Variants in DPP10 observed in about 807,000 individuals in gnomAD.
DPP10 encodes dipeptidyl peptidase like 10.
Under a neutral mutation model 120.9 loss-of-function variants are expected in DPP10, and 33 were observed. That is an observed-to-expected ratio of 0.27 (90% CI 0.21 to 0.37). The LOEUF is 0.37. Among genes scored for constraint, DPP10 ranks in the 10% least tolerant of loss-of-function variants. The pLI is 1.00. For missense variants in DPP10, 816 were observed against 942.8 expected, an observed-to-expected ratio of 0.87 and a Z score of 1.76; for synonymous variants, 337 against 326.1, an observed-to-expected ratio of 1.03 and a Z score of -0.36.
At chr2:114,461,993 A>G in intron 1 of DPP10, 1 of 985,396 alleles carries the variant, frequency 1.0e-6, no homozygotes, top group Non-Finnish European at 1.2e-6. Context: ...TGCTGAATCG[A>G]AAGGAAGTGC....
intron 5 of DPP10, among the ~76,000 whole-genome samples, chr2:115,646,042 T>C (rs2087219538): frequency 6.6e-6 from 1 of 152,120 alleles, no homozygotes. Context: ...CATATATATT[T>C]CACTTCCCAT....
intron 1 of DPP10, among the ~76,000 whole-genome samples, chr2:115,130,037 T>C (rs549444313): frequency 1.9e-4 from 29 of 152,314 alleles, no homozygotes; most frequent in Admixed American, 1.9e-3. Flanking sequence ...TGCTTAGGAC[T>C]CACTAAACCA....
At chr2:115,586,281 C>T (rs779600989) in intron 5 of DPP10, among the ~76,000 whole-genome samples, 3 of 152,096 alleles carry the variant, frequency 2.0e-5, no homozygotes, top group Middle Eastern at 3.2e-3. Context: ...GAGCTGAGAT[C>T]GTGCCATTGC....
rs149104093 is a variant in DPP10 at position 114,877,584 on chromosome 2, A to G, written c.61-431655A>G. On this transcript the variant is annotated intron_variant, in intron 1 of 25. Transcript: ENST00000410059. ...GCTCATTGTTTATGGCCAACAGTGA[A>G]CGGCGGACACACACAATGCCCCTGT... Among the ~76,000 whole-genome samples the G allele has an allele frequency of 8.4e-3, 1,286 of 152,232 alleles. 20 individuals are homozygous for G. The highest frequency in any genetic ancestry group is 0.03 in the African/African-American group (1,231 of 41,552).
intron 1 of DPP10, among the ~76,000 whole-genome samples, chr2:114,643,111 T>C (rs1013755710): frequency 2.6e-5 from 4 of 151,932 alleles, no homozygotes; most frequent in African/African-American, 9.7e-5. Flanking sequence ...TCAGATCATT[T>C]CAGAGCTGCT....
intron 1 of DPP10, among the ~76,000 whole-genome samples, chr2:114,896,463 T>G (rs529060313): frequency 6.6e-6 from 1 of 152,250 alleles, no homozygotes; most frequent in South Asian, 2.1e-4. Context: ...CCCTTGTAAG[T>G]TGGATTCCTA....
chr2:114,949,418 T>C (rs1179422004), intron 1 of DPP10, among the ~76,000 whole-genome samples: 1 of 152,136 alleles, frequency 6.6e-6, no homozygotes, highest in African/African-American at 2.4e-5. Flanking sequence ...TGGAAGCCAC[T>C]AGTACCTATT....
At chr2:114,873,323 A>G (rs191737337) in intron 1 of DPP10, among the ~76,000 whole-genome samples, 10 of 152,250 alleles carry the variant, frequency 6.6e-5, no homozygotes, top group Admixed American at 6.5e-4. Context: ...CACAATTGCT[A>G]AAGAGGATGA....
chr2:115,459,320 C>G (rs898260950), intron 3 of DPP10, among the ~76,000 whole-genome samples: 1 of 152,024 alleles, frequency 6.6e-6, no homozygotes, highest in Non-Finnish European at 1.5e-5. Context: ...CCACGCCCGG[C>G]TAATTTTTGT....
At chr2:115,056,516 C>T (rs571095667) in intron 1 of DPP10, among the ~76,000 whole-genome samples, 1 of 152,300 alleles carries the variant, frequency 6.6e-6, no homozygotes, top group African/African-American at 2.4e-5. Flanking sequence ...CATACCCCCA[C>T]ATCTTGCTAT....
Position 115,437,029 on chromosome 2 carries a change from A to T in DPP10, c.272-62481A>T, listed in dbSNP as rs147594905. ...TATAGTCTCATATCGGTAAGTAATCACCTGACTATGTGACGTTAAATCAGT... is the reference window on the plus strand; with the variant it reads ...TATAGTCTCATATCGGTAAGTAATCTCCTGACTATGTGACGTTAAATCAGT... On this transcript the variant is annotated intron_variant, in intron 3 of 25. Transcript: ENST00000410059. Among the ~76,000 whole-genome samples, 317 of 152,090 alleles carry T rather than the reference A, an allele frequency of 2.1e-3. 1 individual carries two copies. Among genetic ancestry groups the T allele is most frequent in the African/African-American group, 6.8e-3 (284 of 41,556 alleles).
intron 1 of DPP10, among the ~76,000 whole-genome samples, chr2:114,723,760 T>C (rs1701861948): frequency 6.6e-6 from 1 of 152,192 alleles, no homozygotes; most frequent in Non-Finnish European, 1.5e-5. Flanking sequence ...TCATCTTCTT[T>C]GACAAGGAAT....
chr2:115,439,569 T>C (rs1288072438), intron 3 of DPP10, among the ~76,000 whole-genome samples: 1 of 152,206 alleles, frequency 6.6e-6, no homozygotes, highest in Non-Finnish European at 1.5e-5. Flanking sequence ...TCAGAAATTT[T>C]TGCTAAATTG....
chr2:115,777,934 C>A lies in DPP10; in HGVS notation c.1361+100C>A. ...GAAAAATTTGAAATGTCTTTTTCAA[C>A]ATGGCTAGGAAGAGCCAACTTTGCT... On this transcript the variant is annotated intron_variant, in intron 15 of 25. Coordinates refer to ENST00000410059, the MANE Select transcript of DPP10 (RefSeq NM_020868.6). 5 of 1,295,478 alleles carry A rather than the reference C, an allele frequency of 3.9e-6. No individual in the cohort carries two copies. The Admixed American group carries it at 7.6e-5, about 20-fold the overall frequency. The allele number at this position is 1,295,478 out of a possible 1,614,324, so 80.2% of individuals were successfully genotyped here.
intron 1 of DPP10, among the ~76,000 whole-genome samples, chr2:115,289,020 G>T (rs2060527464): frequency 6.6e-6 from 1 of 152,076 alleles, no homozygotes. Flanking sequence ...GTTTGCCAGT[G>T]ATATGATCTT....
chr2:114,938,277 A>G (rs6725542), intron 1 of DPP10, among the ~76,000 whole-genome samples: 1,810 of 152,322 alleles, frequency 0.012, 47 homozygotes, highest in African/African-American at 0.039. Context: ...TATGATATTA[A>G]GGAATATCCA....
At chr2:115,415,313 G>A (rs566777712) in intron 3 of DPP10, among the ~76,000 whole-genome samples, 10 of 152,220 alleles carry the variant, frequency 6.6e-5, no homozygotes, top group South Asian at 4.1e-4. Context: ...AGTCCTAGCC[G>A]TGCTGGAAAA....
At chr2:114,656,214 C>G in intron 1 of DPP10, among the ~76,000 whole-genome samples, 1 of 152,018 alleles carries the variant, frequency 6.6e-6, no homozygotes, top group East Asian at 1.9e-4. Flanking sequence ...TCAGATAGAG[C>G]TAAGATTCGG....
At chr2:114,773,517 T>A (rs989063462) in intron 1 of DPP10, among the ~76,000 whole-genome samples, 11 of 152,132 alleles carry the variant, frequency 7.2e-5, no homozygotes, top group Non-Finnish European at 1.5e-4. Flanking sequence ...ACATATGTAA[T>A]GGGTTTCACA....
Sources: allele counts gnomAD v4.1 joint callset (sites outside exome capture counted in the v4.1 genomes callset), GRCh38; gene constraint gnomAD v4.1.1; transcripts MANE v1.5; gene names NCBI Gene and HGNC (gene_info 2026-07-23, HGNC 2026-07-21).